Variants in SYCP3 observed in about 807,000 individuals in gnomAD.
SYCP3 encodes synaptonemal complex protein 3.
Under a neutral mutation model 38.5 loss-of-function variants are expected in SYCP3, and 29 were observed. That is an observed-to-expected ratio of 0.75 (90% CI 0.56 to 1.03). The LOEUF (loss-of-function observed/expected upper bound fraction) is 1.03, where lower values mean the gene tolerates loss of function less well. Ranked by LOEUF, SYCP3 falls within the 50% of genes least tolerant of loss-of-function variation. The pLI is 0.00. For synonymous variants in SYCP3, 79 were observed against 80.3 expected (o/e 0.98, Z 0.08); for missense variants, 242 against 270.7 (o/e 0.89, Z 0.74).
chr12:101,735,871 A>ATATATATATATTTTTT, intron 4 of SYCP3, among the ~76,000 whole-genome samples: 73 of 74,736 alleles, frequency 9.8e-4, no homozygotes, highest in African/African-American at 4.1e-3. Context: ...ATATATATAT[A>ATATATATATATTTTTT]TTTTTTTTTT....
At chr12:101,730,342 G>A (rs1342111025) in intron 7 of SYCP3, among the ~76,000 whole-genome samples, 1 of 151,980 alleles carries the variant, frequency 6.6e-6, no homozygotes. Context: ...ATCCTAAATA[G>A]TAACATTTAG....
chr12:101,732,667 TC>T (rs1952236255), intron 6 of SYCP3: 2 of 149,438 alleles, frequency 1.3e-5, no homozygotes, highest in African/African-American at 5.0e-5. Flanking sequence ...TTTTCTTTTT[TC>T]TTTTTTTTTT....
intron 5 of SYCP3, 87 bp from the exon 6 acceptor site, chr12:101,733,761 AT>A: frequency 8.1e-7 from 1 of 1,240,882 alleles, no homozygotes; most frequent in Non-Finnish European, 1.1e-6. Context: ...CAGTTATACT[AT>A]ATAAGAAAAG....
At chr12:101,734,878 C>A (rs760650653) in intron 5 of SYCP3, 49 bp downstream of exon 5, 4 of 1,185,960 alleles carry the variant, frequency 3.4e-6, no homozygotes, top group Non-Finnish European at 5.1e-6. Flanking sequence ...GTAATTTATA[C>A]CAGTAAATAC....
intron 5 of SYCP3, 73 bp downstream of exon 5, chr12:101,734,854 A>G (rs1297076044): frequency 2.9e-6 from 3 of 1,048,950 alleles, no homozygotes; most frequent in East Asian, 2.4e-5. Flanking sequence ...ATCCTAGAAT[A>G]GTATTTTTCA....
intron 4 of SYCP3, 82 bp downstream of exon 4, chr12:101,736,955 G>C: frequency 7.7e-7 from 1 of 1,298,426 alleles, no homozygotes; most frequent in Non-Finnish European, 1.1e-6. Flanking sequence ...CAGTCTTATA[G>C]TCCATTATTA....
At chr12:101,733,101 C>T in intron 6 of SYCP3, 1 of 160,904 alleles carries the variant, frequency 6.2e-6, no homozygotes, top group Non-Finnish European at 1.4e-5. Context: ...TCATATTTTC[C>T]CAGAGGAATT....
At chr12:101,735,110 A>C in intron 4 of SYCP3, 66 bp from the exon 5 acceptor site, 1 of 1,046,884 alleles carries the variant, frequency 9.6e-7, no homozygotes. Context: ...CCACATATTC[A>C]AGTAAATATG....
At chr12:101,733,728 T>A (rs748230727) in intron 5 of SYCP3, 54 bp from the exon 6 acceptor site, 28 of 1,532,178 alleles carry the variant, frequency 1.8e-5, no homozygotes, top group Non-Finnish European at 2.4e-5. Context: ...ATAAAAAGAA[T>A]TTAAAACAAA....
chr12:101,737,648 T>C (rs577364465), intron 2 of SYCP3, 155 bp downstream of exon 2: 318 of 973,520 alleles, frequency 3.3e-4, no homozygotes, highest in Non-Finnish European at 4.6e-4. Flanking sequence ...CAAGTACAGC[T>C]GGCCATCCGT....
intron 4 of SYCP3, among the ~76,000 whole-genome samples, chr12:101,735,865 A>T (rs1454213738): frequency 2.9e-4 from 19 of 65,746 alleles, no homozygotes; most frequent in African/African-American, 8.5e-4. Context: ...ATATATATAT[A>T]TATATATTTT....
rs1952265945 is a variant in SYCP3 at position 101,733,423 on chromosome 12, ATACGTCTGTGGTT to A, written c.453+139_453+151del. 7 of 669,804 alleles carry A rather than the reference ATACGTCTGTGGTT, an allele frequency of 1.0e-5. No homozygotes were observed. The South Asian group carries it at 1.2e-4, about 12-fold the overall frequency. The allele number at this position is 669,804 out of a possible 1,614,324, so 41.5% of individuals were successfully genotyped here. A position where few individuals can be genotyped will look rare whatever the true frequency, so the allele number is the denominator to read the frequency against. ...CCTTTTATGAGTATGGTATGTGCCT[ATACGTCTGTGGTT>A]TACAGTTCAGTAGGTTTAAAACACA... On this transcript the variant is annotated intron_variant, in intron 6 of 8. Coordinates refer to ENST00000392924, the MANE Select transcript of SYCP3 (RefSeq NM_001177949.2).
At chr12:101,737,451 G>T (rs1952498031) in intron 2 of SYCP3, 153 bp from the exon 3 acceptor site, 2 of 759,008 alleles carry the variant, frequency 2.6e-6, no homozygotes, top group African/African-American at 3.5e-5. Flanking sequence ...ATTCTCTGCA[G>T]GTTAGGTGAA....
chr12:101,739,175 AGCCC>A, intron 1 of SYCP3, 172 bp downstream of exon 1: 1 of 228,086 alleles, frequency 4.4e-6, no homozygotes, highest in Non-Finnish European at 6.9e-6. Context: ...GCCCCAGCCC[AGCCC>A]GCCCGCTTTC....
chr12:101,735,890 C>T (rs1243233483), intron 4 of SYCP3, among the ~76,000 whole-genome samples: 1,401 of 63,906 alleles, frequency 0.022, 60 homozygotes, highest in African/African-American at 0.1. Context: ...TTTTTAAAGA[C>T]ACGGGGGTCT....
chr12:101,733,492 A>C, intron 6 of SYCP3, 83 bp downstream of exon 6: 1 of 1,253,166 alleles, frequency 8.0e-7, no homozygotes, highest in Middle Eastern at 1.9e-4. Context: ...AACCTGGCTC[A>C]GTTCCACTGG....
chr12:101,735,624 G>A (rs942463397), intron 4 of SYCP3, among the ~76,000 whole-genome samples: 1 of 151,596 alleles, frequency 6.6e-6, no homozygotes, highest in African/African-American at 2.4e-5. Flanking sequence ...TTGCACCACT[G>A]CACTCCAGCC....
chr12:101,731,652 C>T lies in SYCP3; in HGVS notation c.468G>A (p.Gln156=). ...QEEKILNMFR[Q]QQKILQQSRI... ...TAGATTGTTGAAGAATCTTTTGTTG[C>T]TGTCGAAACATATTCTACAAATATA... Residue 156 remains glutamine (Q), a synonymous_variant, in exon 7 of 9, where the codon CAG becomes CAA. Transcript: ENST00000392924. The T allele has an allele frequency of 6.3e-7, 1 of 1,599,016 alleles. No individual in the cohort carries two copies. The highest frequency in any genetic ancestry group is 1.1e-5 in the South Asian group (1 of 87,526).
chr12:101,736,078 A>T (rs1169518230), intron 4 of SYCP3, among the ~76,000 whole-genome samples: 1 of 151,582 alleles, frequency 6.6e-6, no homozygotes, highest in African/African-American at 2.4e-5. Flanking sequence ...TAGTTTAAGT[A>T]AATTTCTAGA....
Sources: allele counts gnomAD v4.1 joint callset (sites outside exome capture counted in the v4.1 genomes callset), GRCh38; gene constraint gnomAD v4.1.1; transcripts MANE v1.5; gene names NCBI Gene and HGNC (gene_info 2026-07-23, HGNC 2026-07-21).